Variants in LVRN observed in about 807,000 individuals in gnomAD.
LVRN encodes aminopeptidase Q.
In LVRN, 99 loss-of-function variants were observed where a neutral mutation model predicts 111.4. That is an observed-to-expected ratio of 0.89 (90% CI 0.76 to 1.05). LVRN has a LOEUF of 1.05. LVRN is among the 50% of genes least tolerant of loss of function. LVRN has a pLI of 0.00. For missense variants in LVRN, 1,414 were observed against 1,206.8 expected, an observed-to-expected ratio of 1.17 and a Z score of -2.54; for synonymous variants, 488 against 449.5, an observed-to-expected ratio of 1.09 and a Z score of -1.08.
chr5:116,014,574 C>T, intron 16 of LVRN, 47 bp downstream of exon 16: 3 of 1,469,522 alleles, frequency 2.0e-6, no homozygotes, highest in Non-Finnish European at 2.8e-6. Flanking sequence ...TATTTTAGCA[C>T]CAGCAATTTC....
intron 1 of LVRN, chr5:115,975,032 T>A (rs1335213768): frequency 2.9e-6 from 1 of 342,862 alleles, no homozygotes; most frequent in African/African-American, 2.2e-5. Flanking sequence ...ATAAATTCAT[T>A]TTTCTTCCTC....
At position 115,977,614 on chromosome 5, in the gene LVRN, A is replaced by G. The variant is rs1468493906; in HGVS notation, c.696-5673A>G. Reference sequence around the variant, plus strand: ...TCTTCATGACATCTCAGTTTAGTTTAGTTTTAGTATTTATTACGTTATGTA... The same window carrying G: ...TCTTCATGACATCTCAGTTTAGTTTGGTTTTAGTATTTATTACGTTATGTA... On this transcript the variant is annotated intron_variant, in intron 1 of 19. Coordinates refer to ENST00000357872, the MANE Select transcript of LVRN (RefSeq NM_173800.5). Among the ~76,000 whole-genome samples, 4 of 152,256 alleles carry G rather than the reference A, an allele frequency of 2.6e-5. No individual in the cohort carries two copies. In the East Asian group the frequency reaches 7.7e-4, roughly 29 times the overall value.
intron 19 of LVRN, among the ~76,000 whole-genome samples, chr5:116,023,144 C>G (rs1011326890): frequency 3.3e-5 from 5 of 152,044 alleles, no homozygotes; most frequent in African/African-American, 4.8e-5. Context: ...TGATTTATAC[C>G]CCCTCCTCGC....
intron 1 of LVRN, 49 bp downstream of exon 1, chr5:115,963,361 C>T: frequency 6.9e-7 from 1 of 1,455,560 alleles, no homozygotes; most frequent in East Asian, 2.3e-5. Flanking sequence ...CCCCTGCGTC[C>T]CGGTGCAGGC....
At chr5:116,022,845 C>T (rs1748761120) in intron 19 of LVRN, among the ~76,000 whole-genome samples, 1 of 152,222 alleles carries the variant, frequency 6.6e-6, no homozygotes, top group African/African-American at 2.4e-5. Context: ...ACATGAGGCC[C>T]TTAATGATCT....
rs1230308311 is a variant in LVRN, at chr5:116,001,140, G to A, written c.1721G>A (p.Ser574Asn). 4 of 1,613,836 alleles carry A rather than the reference G, an allele frequency of 2.5e-6. No individual in the cohort carries two copies. The African/African-American group carries it at 5.3e-5, about 22-fold the overall frequency. Residue 574 changes from serine (S) to asparagine (N), a missense_variant, in exon 10 of 20, where the codon AGT (serine) becomes AAT (asparagine). Ser to Asn is a conservative substitution (Grantham distance 46). Coordinates refer to ENST00000357872, the MANE Select transcript of LVRN (RefSeq NM_173800.5). Reference protein sequence around the residue: ...KNIMDSWTHQSGFPVITLNVS... With the variant: ...KNIMDSWTHQNGFPVITLNVS... ...ATAATGGACAGTTGGACACACCAGA[G>A]TGGTTTTCCAGTGATCACTTTAAAT...
intron 1 of LVRN, among the ~76,000 whole-genome samples, chr5:115,972,520 G>A (rs1018829567): frequency 2.0e-5 from 3 of 151,030 alleles, no homozygotes; most frequent in Non-Finnish European, 4.4e-5. Context: ...CTCTACATAG[G>A]TTGTCATACT....
chr5:116,019,011 A>G (rs1438692205), intron 18 of LVRN, among the ~76,000 whole-genome samples: 1 of 152,118 alleles, frequency 6.6e-6, no homozygotes, highest in Non-Finnish European at 1.5e-5. Context: ...ACAGGAATAC[A>G]TTCTGAGAAA....
intron 18 of LVRN, 49 bp downstream of exon 18, chr5:116,015,814 A>T: frequency 6.3e-7 from 1 of 1,599,628 alleles, no homozygotes; most frequent in Non-Finnish European, 8.5e-7. Context: ...CTGGTTTGGC[A>T]CTGGAAGCTC....
intron 13 of LVRN, 50 bp downstream of exon 13, chr5:116,006,017 T>C (rs1748366644): frequency 7.1e-7 from 1 of 1,417,524 alleles, no homozygotes; most frequent in African/African-American, 1.4e-5. Context: ...TTGAGACCTT[T>C]ATAAAAATAA....
chr5:116,000,484 G>T lies in LVRN; in HGVS notation c.1567G>T (p.Val523Phe). 1 of 1,614,110 alleles carries T rather than the reference G, an allele frequency of 6.2e-7. No individual in the cohort carries two copies. The highest frequency in any genetic ancestry group is 8.5e-7 in the Non-Finnish European group (1 of 1,179,994). Residue 523 changes from valine (V) to phenylalanine (F), a missense_variant, in exon 8 of 20, where the codon GTC becomes TTC. Val to Phe is a conservative substitution (Grantham distance 50). Transcript: ENST00000357872. ...LSCFLNEHLFVSALKSYLKTF... is the reference protein window; with the variant it reads ...LSCFLNEHLFFSALKSYLKTF... ...TTGTTTCTTGAATGAGCATTTATTTGTCAGTGCACTCAAGGTGAGTTTGCA... is the reference window on the plus strand; with the variant it reads ...TTGTTTCTTGAATGAGCATTTATTTTTCAGTGCACTCAAGGTGAGTTTGCA...
chr5:115,973,040 CACCTCAG>C (rs1753360959), intron 1 of LVRN, among the ~76,000 whole-genome samples: 1 of 151,962 alleles, frequency 6.6e-6, no homozygotes, highest in Admixed American at 6.6e-5. Context: ...GTGATTCTCC[CACCTCAG>C]CCTCCTGAGT....
At chr5:116,000,563 A>T in intron 8 of LVRN, 30 bp from the exon 9 acceptor site, 3 of 1,613,322 alleles carry the variant, frequency 1.9e-6, no homozygotes, top group Non-Finnish European at 2.5e-6. Context: ...CATGCTATTT[A>T]TTTTAACCTT....
At chr5:116,011,211 AG>A (rs1748483347) in intron 14 of LVRN, among the ~76,000 whole-genome samples, 1 of 151,122 alleles carries the variant, frequency 6.6e-6, no homozygotes, top group Admixed American at 6.6e-5. Context: ...TTTAGGGAAA[AG>A]GATAGTATTT....
intron 13 of LVRN, among the ~76,000 whole-genome samples, chr5:116,008,499 A>G (rs1284660558): frequency 6.6e-6 from 1 of 152,166 alleles, no homozygotes; most frequent in Non-Finnish European, 1.5e-5. Flanking sequence ...TGAAATTGAG[A>G]TAGGCCGAAA....
chr5:115,964,433 G>A (rs1168184950), intron 1 of LVRN, among the ~76,000 whole-genome samples: 5 of 152,016 alleles, frequency 3.3e-5, no homozygotes, highest in Admixed American at 6.5e-5. Flanking sequence ...AGCGTGCTTG[G>A]TTTTTCTTTA....
chr5:115,980,899 G>A (rs1753547643), intron 1 of LVRN, among the ~76,000 whole-genome samples: 1 of 152,050 alleles, frequency 6.6e-6, no homozygotes, highest in Non-Finnish European at 1.5e-5. Flanking sequence ...TGACTCATGG[G>A]CTCTTTTTCC....
At chr5:115,983,133 A>G (rs989980138) in intron 1 of LVRN, among the ~76,000 whole-genome samples, 154 bp from the exon 2 acceptor site, 4 of 152,138 alleles carry the variant, frequency 2.6e-5, no homozygotes, top group African/African-American at 9.7e-5. Flanking sequence ...TGATAATTGG[A>G]GTGTGTTGGT....
In LVRN at chr5:116,012,428, C is replaced by T. The variant is rs369575731; in HGVS notation, c.2302C>T (p.Arg768Cys). Reference protein sequence around the residue: ...LIWNIYSTIIRENVLALQDDY... With the variant: ...LIWNIYSTIICENVLALQDDY... ...ATGGAATATTTATTCAACTATAATT[C>T]GTGAAAATGTGTTGGCATTACAAGA... The change falls in exon 15 of 20, where the codon CGT becomes TGT. Residue 768 changes from arginine (R) to cysteine (C), a missense_variant. Arg to Cys is a radical substitution (Grantham distance 180). Coordinates refer to ENST00000357872, the MANE Select transcript of LVRN (RefSeq NM_173800.5). 6.6e-5 allele frequency: 102 copies of T among 1,545,552 alleles called. No homozygotes were observed. Among genetic ancestry groups the T allele is most frequent in the Non-Finnish European group, 7.8e-5 (88 of 1,126,002 alleles).
Sources: gnomAD v4.1 joint callset for allele counts (sites outside exome capture counted in the v4.1 genomes callset) on GRCh38, gnomAD v4.1.1 for gene constraint, MANE v1.5 for transcripts, NCBI Gene and HGNC (gene_info 2026-07-23, HGNC 2026-07-21) for gene names.